PACRG: variants seen among roughly 807,000 people sequenced by gnomAD.
The protein encoded by PACRG is parkin coregulated gene protein.
A neutral mutation model predicts 29.7 loss-of-function variants in PACRG; 29 were observed. The ratio of observed to expected loss-of-function variants is 0.98; its 90% CI spans 0.73 to 1.33. The LOEUF is 1.33. Ranked by LOEUF, PACRG falls within the 40% of genes most tolerant of loss-of-function variation. PACRG has a pLI of 0.00. For missense variants in PACRG, 279 were observed against 316.2 expected (o/e 0.88, Z 0.89); for synonymous variants, 116 against 118.7 (o/e 0.98, Z 0.15).
rs897896524 is a variant in PACRG at position 162,948,042 on chromosome 6, A to C, written c.292-114108A>C. On this transcript the variant is annotated intron_variant, in intron 2 of 4. Coordinates refer to ENST00000366888, the MANE Select transcript of PACRG (RefSeq NM_001080379.2). Reference sequence around the variant, plus strand: ...GTCATTTTTCACAGAAAGAAAATATAATTATAAAATGTGTATGGAACTGAA... The same window carrying C: ...GTCATTTTTCACAGAAAGAAAATATCATTATAAAATGTGTATGGAACTGAA... Among the ~76,000 whole-genome samples, 5 of 152,052 alleles carry C rather than the reference A, an allele frequency of 3.3e-5. No homozygotes were observed. The East Asian group carries it at 7.7e-4, about 23-fold the overall frequency.
At chr6:162,752,798 A>G (rs1781608975) in intron 1 of PACRG, among the ~76,000 whole-genome samples, 1 of 152,202 alleles carries the variant, frequency 6.6e-6, no homozygotes, top group East Asian at 1.9e-4. Context: ...ATACATAATA[A>G]TATGTGTGAC....
intron 4 of PACRG, among the ~76,000 whole-genome samples, chr6:163,185,556 G>T (rs755069181): frequency 2.6e-5 from 4 of 152,154 alleles, no homozygotes; most frequent in East Asian, 1.9e-4. Context: ...AATTCGTTAA[G>T]AAAAAGAACA....
At chr6:163,085,363 A>G (rs1813460648) in intron 3 of PACRG, among the ~76,000 whole-genome samples, 1 of 152,172 alleles carries the variant, frequency 6.6e-6, no homozygotes, top group Non-Finnish European at 1.5e-5. Flanking sequence ...AATAAAGAGA[A>G]AAGAAAGAAA....
chr6:163,299,687 T>C (rs1319335902), intron 4 of PACRG, among the ~76,000 whole-genome samples: 1 of 152,294 alleles, frequency 6.6e-6, no homozygotes, highest in Non-Finnish European at 1.5e-5. Flanking sequence ...GAGACTAGCC[T>C]GGCCAACATA....
intron 2 of PACRG, among the ~76,000 whole-genome samples, chr6:162,913,951 A>C (rs1397659804): frequency 1.3e-5 from 2 of 150,008 alleles, no homozygotes; most frequent in Admixed American, 6.7e-5. Flanking sequence ...AGTTGTAAGC[A>C]TTCTTTATAT....
rs149978121 is a variant in PACRG at position 162,846,237 on chromosome 6, C to T, written c.291+31956C>T. On this transcript the variant is annotated intron_variant, in intron 2 of 4. Transcript: ENST00000366888. ...TCCTAGCCCTGCCAGACTCAGTCAC[C>T]GCTGGGAGCAGCCCCAGGGAGCACA... 5.0e-3 allele frequency among the ~76,000 whole-genome samples: 760 copies of T among 152,246 alleles called. 6 individuals are homozygous for T. The highest frequency in any genetic ancestry group is 0.017 in the African/African-American group (712 of 41,554).
chr6:162,728,436 G>A, intron 1 of PACRG, 45 bp downstream of exon 1: 1 of 1,592,920 alleles, frequency 6.3e-7, no homozygotes, highest in South Asian at 1.1e-5. Context: ...TGAATCAGGG[G>A]ACACGAGATT....
chr6:163,114,139 A>G (rs1388779171), intron 4 of PACRG, among the ~76,000 whole-genome samples: 1 of 152,172 alleles, frequency 6.6e-6, no homozygotes, highest in Non-Finnish European at 1.5e-5. Context: ...AATCCCAGCT[A>G]CTTGGGTGGC....
intron 2 of PACRG, among the ~76,000 whole-genome samples, chr6:162,973,811 T>A (rs1801730283): frequency 6.6e-6 from 1 of 152,154 alleles, no homozygotes; most frequent in Non-Finnish European, 1.5e-5. Context: ...GAGATAGATC[T>A]TTTGCAGAAT....
At chr6:162,844,598 A>T (rs565308667) in intron 2 of PACRG, among the ~76,000 whole-genome samples, 1 of 152,180 alleles carries the variant, frequency 6.6e-6, no homozygotes, top group African/African-American at 2.4e-5. Flanking sequence ...AGCTGTTCCT[A>T]TTGCGCCATC....
In PACRG at chr6:162,794,433, G is replaced by A. The variant is rs146824407; in HGVS notation, c.157-19714G>A. Among the ~76,000 whole-genome samples, 983 of 152,154 alleles carry A rather than the reference G, an allele frequency of 6.5e-3. 20 individuals carry two copies. The highest frequency in any genetic ancestry group is 0.023 in the African/African-American group (949 of 41,498). ...TTTTTTAAATGGCATCTCTTGATGAGCAATCATTGTTAATGTGGACAAATT... is the reference window on the plus strand; with the variant it reads ...TTTTTTAAATGGCATCTCTTGATGAACAATCATTGTTAATGTGGACAAATT... On this transcript the variant is annotated intron_variant, in intron 1 of 4. Transcript: ENST00000366888.
At position 163,045,848 on chromosome 6, in the gene PACRG, T is replaced by G. The variant is rs188697263; in HGVS notation, c.292-16302T>G. On this transcript the variant is annotated intron_variant, in intron 2 of 4. Transcript: ENST00000366888. The stretch of plus-strand genomic sequence containing the variant: ...CCAGTATGGTCTCGATCTCTTGACC[T>G]CATGATCCACCCGCCTCAGCCTCCC... 9.9e-5 allele frequency among the ~76,000 whole-genome samples: 15 copies of G among 151,798 alleles called. No homozygotes were observed. In the East Asian group the frequency reaches 2.7e-3, roughly 28 times the overall value.
At chr6:163,083,411 C>T (rs978080184) in intron 3 of PACRG, among the ~76,000 whole-genome samples, 3 of 152,166 alleles carry the variant, frequency 2.0e-5, no homozygotes, top group Non-Finnish European at 2.9e-5. Context: ...CCTTTCCAGA[C>T]CAAACCAATG....
chr6:162,776,565 C>T lies in PACRG; in HGVS notation c.157-37582C>T, dbSNP rs568434835. Among the ~76,000 whole-genome samples, 14 of 152,296 alleles carry T rather than the reference C, an allele frequency of 9.2e-5. No homozygotes were observed. In the South Asian group the frequency reaches 1.0e-3, roughly 11 times the overall value. On this transcript the variant is annotated intron_variant, in intron 1 of 4. Coordinates refer to ENST00000366888, the MANE Select transcript of PACRG (RefSeq NM_001080379.2). The stretch of plus-strand genomic sequence containing the variant: ...CAAGCCAACAGGGGATAGTGCTGGC[C>T]GCCCATTCTCCTGCCCTGGGCCTCA...
chr6:162,822,513 T>G (rs752270728), intron 2 of PACRG, among the ~76,000 whole-genome samples: 15 of 152,206 alleles, frequency 9.9e-5, no homozygotes, highest in Non-Finnish European at 1.9e-4. Flanking sequence ...CTGCCCCTAC[T>G]CTAAGAGACT....
chr6:163,002,012 G>T (rs7761803), intron 2 of PACRG, among the ~76,000 whole-genome samples: 51,108 of 151,964 alleles, frequency 0.34, 9,776 homozygotes, highest in East Asian at 0.68. Context: ...AGTTGTAAAT[G>T]AAATGAAATC....
chr6:162,963,412 T>G (rs1800787350), intron 2 of PACRG, among the ~76,000 whole-genome samples: 1 of 152,062 alleles, frequency 6.6e-6, no homozygotes, highest in African/African-American at 2.4e-5. Flanking sequence ...ATTTATTATA[T>G]GAAATTTTCA....
intron 4 of PACRG, among the ~76,000 whole-genome samples, chr6:163,115,822 C>G (rs1815961859): frequency 1.3e-5 from 2 of 152,232 alleles, no homozygotes; most frequent in Admixed American, 1.3e-4. Flanking sequence ...CTGCATTCCT[C>G]TGTCAGTTTC....
intron 4 of PACRG, among the ~76,000 whole-genome samples, chr6:163,089,992 C>T (rs959372885): frequency 2.0e-5 from 3 of 152,106 alleles, no homozygotes; most frequent in Non-Finnish European, 1.5e-5. Flanking sequence ...ATTCATTAAG[C>T]GTGTGATTTC....
Sources: gnomAD v4.1 joint callset for allele counts (sites outside exome capture counted in the v4.1 genomes callset) on GRCh38, gnomAD v4.1.1 for gene constraint, MANE v1.5 for transcripts, NCBI Gene and HGNC (gene_info 2026-07-23, HGNC 2026-07-21) for gene names.